Variants in NEB observed in about 807,000 individuals in gnomAD.
NEB encodes the protein nemaline myopathy type 2.
In NEB, 512 loss-of-function variants were observed where a neutral mutation model predicts 952.2. That is an observed-to-expected ratio of 0.54 (90% CI 0.50 to 0.58). The LOEUF (loss-of-function observed/expected upper bound fraction) is 0.58. Ranked by LOEUF, NEB falls within the 20% of genes least tolerant of loss-of-function variation. The pLI is 0.00. For synonymous variants in NEB, 2,900 were observed against 3,149.8 expected, an observed-to-expected ratio of 0.92 and a Z score of 2.66; for missense variants, 8,428 against 9,231.1, an observed-to-expected ratio of 0.91 and a Z score of 3.56.
intron 181 of NEB, chr2:151,486,227 TA>T (rs2050250680): frequency 3.5e-6 from 1 of 289,474 alleles, no homozygotes; most frequent in Admixed American, 4.8e-5. Flanking sequence ...GATAGACAAA[TA>T]GCCAAAAAGC....
chr2:151,576,961 C>T (rs2096888974), intron 105 of NEB, among the ~76,000 whole-genome samples: 1 of 152,072 alleles, frequency 6.6e-6, no homozygotes, highest in Non-Finnish European at 1.5e-5. Flanking sequence ...TGTGGTAGTG[C>T]CCATGTGCAT....
chr2:151,719,166 C>T (rs780874926), intron 9 of NEB, among the ~76,000 whole-genome samples: 6 of 152,216 alleles, frequency 3.9e-5, no homozygotes, highest in Non-Finnish European at 7.3e-5. Flanking sequence ...TTCCTCTTGA[C>T]TGTGAGCTCT....
chr2:151,554,468 A>T (rs2095517186), intron 125 of NEB, among the ~76,000 whole-genome samples: 1 of 152,018 alleles, frequency 6.6e-6, no homozygotes, highest in Admixed American at 6.6e-5. Context: ...CTGAGGTGGG[A>T]TGATTCCCGG....
At chr2:151,531,721 T>A in intron 144 of NEB, 71 bp downstream of exon 144, 1 of 1,212,680 alleles carries the variant, frequency 8.2e-7, no homozygotes, top group Non-Finnish European at 1.2e-6. Context: ...TTTGTGACAA[T>A]TTAAAATGCC....
At chr2:151,497,858 G>A (rs2061349451) in intron 170 of NEB, 140 bp from the exon 171 acceptor site, 2 of 1,511,948 alleles carry the variant, frequency 1.3e-6, no homozygotes, top group Non-Finnish European at 1.8e-6. Flanking sequence ...CTACTTTAGT[G>A]GAAGCTGTTG....
Position 151,684,843 on chromosome 2 carries a change from A to G in NEB, c.2770T>C (p.Tyr924His). 6.2e-7 allele frequency: 1 copy of G among 1,613,466 alleles called. No homozygotes were observed. ...TTGATGCTATCAGGGGGGTAGCTGTAACTGTGTAAGATGTGCTTATAATCA... is the reference window on the plus strand; with the variant it reads ...TTGATGCTATCAGGGGGGTAGCTGTGACTGTGTAAGATGTGCTTATAATCA... The part of the protein sequence containing the change: ...DVDYKHILHS[Y>H]SYPPDSINVD... The change falls in exon 28 of 182, where the codon TAC (tyrosine) becomes CAC (histidine). Residue 924 changes from tyrosine (Y) to histidine (H), a missense_variant. Physicochemically the swap from Tyr to His is moderately conservative, Grantham distance 83. This residue lies in a region of NEB where 2,851 missense variants were observed against 2,791.5 expected (regional missense o/e 1.02). Transcript: ENST00000397345.
intron 27 of NEB, among the ~76,000 whole-genome samples, chr2:151,685,522 C>T (rs908055112): frequency 6.6e-6 from 1 of 152,056 alleles, no homozygotes; most frequent in African/African-American, 2.4e-5. Flanking sequence ...GTTTTCATAT[C>T]AAGTTCAATT....
chr2:151,491,661 A>C (rs1559129013), intron 179 of NEB, 22 bp downstream of exon 179: 1 of 1,527,202 alleles, frequency 6.5e-7, no homozygotes, highest in African/African-American at 1.4e-5. Flanking sequence ...TTTATGTTGT[A>C]AGCCTTTTTC....
rs372906589 is a variant in NEB at position 151,728,875 on chromosome 2, T to C, written c.78+740A>G. Among the ~76,000 whole-genome samples, 27 of 152,290 alleles carry C rather than the reference T, an allele frequency of 1.8e-4. No homozygotes were observed. In the East Asian group the frequency reaches 1.9e-3, roughly 11 times the overall value. ...TCACATCATTGCTAATAGGTTGTTTTCTGCCCATGATTACCTAGGCATGGT... is the reference window on the plus strand; with the variant it reads ...TCACATCATTGCTAATAGGTTGTTTCCTGCCCATGATTACCTAGGCATGGT... On this transcript the variant is annotated intron_variant, in intron 4 of 181. Coordinates refer to ENST00000397345, the MANE Select transcript of NEB (RefSeq NM_001164508.2).
chr2:151,630,330 T>C (rs1411401961), intron 67 of NEB, among the ~76,000 whole-genome samples: 2 of 152,210 alleles, frequency 1.3e-5, no homozygotes, highest in Non-Finnish European at 2.9e-5. Flanking sequence ...AACTGAGGCC[T>C]TTTCTGCCCC....
Position 151,500,143 on chromosome 2 carries a change from T to TAACAACA in NEB, c.24022-754_24022-753insTGTTGTT, listed in dbSNP as rs140864353. ...GAGTATAACATTCCAAAAGACATAT[T>TAACAACA]AACATTGAAAATTTAACAAAATTGA... is the stretch of plus-strand genomic sequence containing the variant. On this transcript the variant is annotated intron_variant, in intron 168 of 181. Coordinates refer to ENST00000397345, the MANE Select transcript of NEB (RefSeq NM_001164508.2). Among the ~76,000 whole-genome samples, 265 of 152,192 alleles carry TAACAACA rather than the reference T, an allele frequency of 1.7e-3. 1 individual carries two copies. Among genetic ancestry groups the TAACAACA allele is most frequent in the Middle Eastern group, 6.8e-3 (2 of 294 alleles).
At position 151,578,631 on chromosome 2, in the gene NEB, G is replaced by A. The variant is rs970632202; in HGVS notation, c.16704+707C>T. On this transcript the variant is annotated intron_variant, in intron 105 of 181. Transcript: ENST00000397345. Reference sequence around the variant, plus strand: ...AGCTGAGACTCCAGCCAGGGCCACAGGGCAAGGGAAGGAGGGAAGGAGGGA... The same window carrying A: ...AGCTGAGACTCCAGCCAGGGCCACAAGGCAAGGGAAGGAGGGAAGGAGGGA... 2.0e-5 allele frequency among the ~76,000 whole-genome samples: 3 copies of A among 151,178 alleles called. No homozygotes were observed. The Admixed American group carries it at 2.0e-4, about 10-fold the overall frequency.
At chr2:151,668,266 C>T (rs756541561) in intron 39 of NEB, among the ~76,000 whole-genome samples, 1 of 152,114 alleles carries the variant, frequency 6.6e-6, no homozygotes, top group Non-Finnish European at 1.5e-5. Context: ...TTTGGAAAAA[C>T]GTTTCTTGTA....
chr2:151,565,148 C>A lies in NEB; in HGVS notation c.18367G>T (p.Val6123Leu). The part of the protein sequence containing the change: ...AKINSVNQSD[V>L]KYKETFNKAK... ...TTATTAAATGTTTCTTTATATTTTACCTAAGGAGAGAAAACCAAATCTTTT... is the reference window on the plus strand; with the variant it reads ...TTATTAAATGTTTCTTTATATTTTAACTAAGGAGAGAAAACCAAATCTTTT... Residue 6123 changes from valine to leucine, a missense_variant and splice_region_variant, in exon 117 of 182, where the codon GTA (valine) becomes TTA (leucine). Physicochemically the swap from Val to Leu is conservative, Grantham distance 32. This residue lies in a region of NEB where 3,374 missense variants were observed against 3,651.5 expected (regional missense o/e 0.92). Transcript: ENST00000397345. 6.7e-7 allele frequency: 1 copy of A among 1,486,880 alleles called. No homozygotes were observed. Among genetic ancestry groups the A allele is most frequent in the Non-Finnish European group, 9.2e-7 (1 of 1,086,130 alleles). The allele number at this position is 1,486,880 out of a possible 1,614,324, so 92.1% of individuals were successfully genotyped here.
In NEB at chr2:151,650,338, T is replaced by A; in HGVS notation, c.7269A>T (p.Gly2423=). Residue 2423 remains glycine (G), a synonymous_variant, in exon 54 of 182, where the codon GGA becomes GGT. Transcript: ENST00000397345. ...CCTCTAAAGAACCCAAGGGACTCCA[T>A]CCTATGCCTCTCAGCCACTCAAGGT... ...KSDLEWLRGI[G]WSPLGSLEAE... 6.2e-7 allele frequency: 1 copy of A among 1,613,902 alleles called. No homozygotes were observed. Among genetic ancestry groups the A allele is most frequent in the Admixed American group, 1.7e-5 (1 of 59,996 alleles).
chr2:151,547,666 G>C lies in NEB; in HGVS notation c.20230C>G (p.Gln6744Glu), dbSNP rs766890449. The change falls in exon 132 of 182, where the codon CAA (glutamine) becomes GAA (glutamate). Residue 6744 changes from glutamine to glutamate, a missense_variant. Gln to Glu is a conservative substitution (Grantham distance 29, BLOSUM62 2). Coordinates refer to ENST00000397345, the MANE Select transcript of NEB (RefSeq NM_001164508.2). ...HTTPDTPEIR[Q>E]VKKTQEAVSE... ...ACAGCCTCTTGTGTCTTCTTGACTT[G>C]GCGGATCTCAGGGGTATCGGGAGTT... 12 of 1,613,740 alleles carry C rather than the reference G, an allele frequency of 7.4e-6. No individual in the cohort carries two copies. The highest frequency in any genetic ancestry group is 1.0e-5 in the Non-Finnish European group (12 of 1,179,796).
Position 151,496,944 on chromosome 2 carries a change from GCT to G in NEB, c.24388_24389del (p.Ser8130LeufsTer31). On this transcript the variant is annotated frameshift_variant, in exon 172 of 182. Transcript: ENST00000397345. LOFTEE classifies it high-confidence loss of function. ...TTTTCTTTTCTTGCCCAAGTACCGA[GCT>G]AATATTTTCTTGATTGTGTTTGACT... ...ERVKHNQENI[S>X]SVLYKENMGK... is the part of the protein sequence containing the mutation. 6.4e-7 allele frequency: 1 copy of G among 1,571,852 alleles called. No individual in the cohort carries two copies. The highest frequency in any genetic ancestry group is 8.7e-7 in the Non-Finnish European group (1 of 1,155,796).
chr2:151,672,131 A>T (rs1010406024), intron 37 of NEB, among the ~76,000 whole-genome samples: 4 of 152,190 alleles, frequency 2.6e-5, no homozygotes, highest in African/African-American at 9.7e-5. Flanking sequence ...TAGTTAGTGG[A>T]ATATAGTTTT....
chr2:151,686,723 T>G (rs1370396312), intron 27 of NEB, among the ~76,000 whole-genome samples: 1 of 152,168 alleles, frequency 6.6e-6, no homozygotes, highest in African/African-American at 2.4e-5. Flanking sequence ...CACTGAACAT[T>G]CTCAGTACTC....
Sources: allele counts gnomAD v4.1 joint callset (sites outside exome capture counted in the v4.1 genomes callset), GRCh38; gene constraint gnomAD v4.1.1; regional missense constraint gnomAD v4.1.1; transcripts MANE v1.5; gene names NCBI Gene and HGNC (gene_info 2026-07-23, HGNC 2026-07-21).